AGMO: variants seen among roughly 807,000 people sequenced by gnomAD.
The protein encoded by AGMO is glyceryl-ether monooxygenase.
A neutral mutation model predicts 60.2 loss-of-function variants in AGMO; 75 were observed. The observed-to-expected ratio is 1.25, with a 90% CI of 1.03 to 1.51. The LOEUF is 1.51. Ranked by LOEUF, AGMO falls within the 40% of genes most tolerant of loss-of-function variation. AGMO has a pLI of 0.00. For missense variants in AGMO, 763 were observed against 525.5 expected (o/e 1.45, Z -4.42); for synonymous variants, 261 against 177.1 (o/e 1.47, Z -3.76).
At chr7:15,354,392 ATACAC>A (rs1563105172) in intron 12 of AGMO, among the ~76,000 whole-genome samples, 970 of 53,008 alleles carry the variant, frequency 0.018, 202 homozygotes, top group African/African-American at 0.13. Context: ...ACGTGTGTGT[ATACAC>A]GTGTGTGTAC....
intron 12 of AGMO, among the ~76,000 whole-genome samples, chr7:15,260,209 G>A (rs182740019): frequency 0.013 from 1,810 of 139,670 alleles, 23 homozygotes; most frequent in Non-Finnish European, 0.017. Context: ...GTGACAGAGC[G>A]AGGAAAAAAA....
intron 12 of AGMO, among the ~76,000 whole-genome samples, chr7:15,286,553 T>C (rs1407345481): frequency 6.6e-6 from 1 of 151,954 alleles, no homozygotes; most frequent in African/African-American, 2.4e-5. Context: ...GTGTGGTCAT[T>C]ATTATAAAGT....
At chr7:15,147,314 C>G in the AGMO span, among the ~76,000 whole-genome samples, 185 of 152,210 alleles carry the variant, frequency 1.2e-3, 3 homozygotes, top group East Asian at 0.034. Flanking sequence ...GTTTAATGGA[C>G]TCAGTTAAGT....
chr7:15,216,908 T>C (rs1438105891), intron 12 of AGMO, among the ~76,000 whole-genome samples: 1 of 151,824 alleles, frequency 6.6e-6, no homozygotes, highest in Non-Finnish European at 1.5e-5. Context: ...TGTTTGGCAA[T>C]GTGAAATATA....
intron 12 of AGMO, among the ~76,000 whole-genome samples, chr7:15,242,595 A>G (rs1405656693): frequency 2.0e-5 from 3 of 152,158 alleles, no homozygotes; most frequent in African/African-American, 7.2e-5. Context: ...AGACTGTTAA[A>G]CTGATCAACA....
At chr7:15,279,964 G>C (rs542315273) in intron 12 of AGMO, among the ~76,000 whole-genome samples, 39 of 152,302 alleles carry the variant, frequency 2.6e-4, no homozygotes, top group African/African-American at 9.1e-4. Context: ...CAGGGGCCTT[G>C]AAGAAGTCTG....
the AGMO span, among the ~76,000 whole-genome samples, chr7:15,117,604 G>T: frequency 6.6e-6 from 1 of 151,700 alleles, no homozygotes; most frequent in African/African-American, 2.4e-5. Context: ...GGGTACACAA[G>T]AAACCCAATC....
intron 12 of AGMO, among the ~76,000 whole-genome samples, chr7:15,284,680 C>T (rs892434628): frequency 1.3e-5 from 2 of 151,816 alleles, no homozygotes; most frequent in Admixed American, 1.3e-4. Flanking sequence ...TGGAACTAGT[C>T]CAAAAGATTC....
rs187315831 is a variant in AGMO at position 15,311,534 on chromosome 7, G to C, written c.1263+53980C>G. Among the ~76,000 whole-genome samples, 63 of 152,206 alleles carry C rather than the reference G, an allele frequency of 4.1e-4. 1 individual carries two copies. In the East Asian group the frequency reaches 0.012, roughly 28 times the overall value. On this transcript the variant is annotated intron_variant, in intron 12 of 12. Transcript: ENST00000342526. Reference sequence around the variant, plus strand: ...GCAATCGCAAACCAATCCGGGCTCAGATGTGCAGCCAAGTTTGTATCAGTT... The same window carrying C: ...GCAATCGCAAACCAATCCGGGCTCACATGTGCAGCCAAGTTTGTATCAGTT...
chr7:15,384,817 C>CTTTTT (rs71953359), intron 10 of AGMO, among the ~76,000 whole-genome samples: 43 of 121,298 alleles, frequency 3.5e-4, no homozygotes, highest in African/African-American at 9.3e-4. Flanking sequence ...CTGTTTTTCT[C>CTTTTT]TTTTTTTTTT....
intron 4 of AGMO, among the ~76,000 whole-genome samples, chr7:15,420,264 T>C (rs2128494777): frequency 6.6e-6 from 1 of 152,214 alleles, no homozygotes; most frequent in South Asian, 2.1e-4. Context: ...AACACAGGTC[T>C]TTTAAGAGCT....
At chr7:15,369,622 G>A (rs924831804) in intron 10 of AGMO, among the ~76,000 whole-genome samples, 1 of 151,876 alleles carries the variant, frequency 6.6e-6, no homozygotes, top group African/African-American at 2.4e-5. Context: ...ATAACTCTCT[G>A]TAACCATTTT....
At chr7:15,139,447 T>C in the AGMO span, among the ~76,000 whole-genome samples, 14 of 152,132 alleles carry the variant, frequency 9.2e-5, no homozygotes, top group African/African-American at 3.4e-4. Context: ...GTTGTACAGA[T>C]TATTTTGTCT....
At chr7:15,422,173 T>A (rs2128495297) in intron 4 of AGMO, among the ~76,000 whole-genome samples, 1 of 152,004 alleles carries the variant, frequency 6.6e-6, no homozygotes, top group African/African-American at 2.4e-5. Context: ...GGTAACAAAA[T>A]GAAAAGAGGG....
chr7:15,483,135 A>C (rs2128518056), intron 3 of AGMO, among the ~76,000 whole-genome samples: 1 of 152,360 alleles, frequency 6.6e-6, no homozygotes, highest in South Asian at 2.1e-4. Flanking sequence ...TTATGTATTT[A>C]ATAAATCCAA....
intron 3 of AGMO, among the ~76,000 whole-genome samples, chr7:15,483,141 T>C (rs936314923): frequency 3.3e-5 from 5 of 152,162 alleles, no homozygotes; most frequent in African/African-American, 9.6e-5. Flanking sequence ...ATTTAATAAA[T>C]CCAAAACAAC....
At chr7:15,340,357 C>T (rs996851067) in intron 12 of AGMO, among the ~76,000 whole-genome samples, 1 of 152,294 alleles carries the variant, frequency 6.6e-6, no homozygotes, top group Non-Finnish European at 1.5e-5. Context: ...GAATTTTTGA[C>T]TTAGGGATGC....
intron 10 of AGMO, among the ~76,000 whole-genome samples, chr7:15,383,540 G>C (rs1428907174): frequency 6.6e-6 from 1 of 151,984 alleles, no homozygotes; most frequent in Non-Finnish European, 1.5e-5. Flanking sequence ...ATATAGAACT[G>C]TTACAGTAAC....
the AGMO span, among the ~76,000 whole-genome samples, chr7:15,148,903 C>T: frequency 3.9e-5 from 6 of 152,054 alleles, no homozygotes; most frequent in Non-Finnish European, 7.4e-5. Flanking sequence ...CTGCTGTCCA[C>T]GGTGGGTAAA....
Sources: allele counts gnomAD v4.1 joint callset (sites outside exome capture counted in the v4.1 genomes callset), GRCh38; gene constraint gnomAD v4.1.1; transcripts MANE v1.5; gene names NCBI Gene and HGNC (gene_info 2026-07-23, HGNC 2026-07-21).